PTPRG: variants seen among roughly 807,000 people sequenced by gnomAD.
PTPRG encodes the protein receptor-type tyrosine-protein phosphatase gamma.
PTPRG carries 102 observed loss-of-function variants against 165.3 expected under a neutral mutation model. That is an observed-to-expected ratio of 0.62 (90% CI 0.53 to 0.73). The LOEUF (loss-of-function observed/expected upper bound fraction) is 0.73, where lower values mean the gene tolerates loss of function less well. Among genes scored for constraint, PTPRG ranks in the 30% least tolerant of loss-of-function variants. The pLI, the probability that PTPRG is intolerant of heterozygous loss-of-function variation, is 0.00. For synonymous variants in PTPRG, 675 were observed against 669.5 expected, an observed-to-expected ratio of 1.01 and a Z score of -0.13; for missense variants, 1,866 against 1,861.4, an observed-to-expected ratio of 1.00 and a Z score of -0.05.
intron 2 of PTPRG, among the ~76,000 whole-genome samples, chr3:61,925,214 G>GC (rs1219820231): frequency 6.6e-6 from 1 of 152,222 alleles, no homozygotes; most frequent in Non-Finnish European, 1.5e-5. Flanking sequence ...ATGGCAGTCT[G>GC]CATTTGGCCC....
intron 5 of PTPRG, among the ~76,000 whole-genome samples, chr3:62,131,258 C>CG (rs1703503291): frequency 6.6e-6 from 1 of 152,058 alleles, no homozygotes; most frequent in African/African-American, 2.4e-5. Context: ...TATGTGACAA[C>CG]GAAAAACGTC....
At chr3:61,610,565 G>A (rs1383611134) in intron 1 of PTPRG, among the ~76,000 whole-genome samples, 2 of 152,200 alleles carry the variant, frequency 1.3e-5, no homozygotes, top group African/African-American at 4.8e-5. Context: ...AGATTTGGCT[G>A]TACTTAGGGT....
intron 1 of PTPRG, among the ~76,000 whole-genome samples, chr3:61,659,756 A>T (rs1702607095): frequency 6.6e-6 from 1 of 152,228 alleles, no homozygotes; most frequent in Admixed American, 6.5e-5. Context: ...ATTACTTTTC[A>T]TAACCGATTT....
intron 1 of PTPRG, among the ~76,000 whole-genome samples, chr3:61,637,925 G>T (rs1194020188): frequency 7.8e-6 from 1 of 127,994 alleles, no homozygotes; most frequent in Non-Finnish European, 1.8e-5. Flanking sequence ...TATTTATTCA[G>T]ACTGGATCTC....
chr3:62,177,558 A>G (rs975358813), intron 8 of PTPRG, among the ~76,000 whole-genome samples: 1 of 152,170 alleles, frequency 6.6e-6, no homozygotes, highest in East Asian at 1.9e-4. Context: ...GAACTTGTCA[A>G]AACCTTTCTG....
At chr3:61,648,618 C>T (rs1338381417) in intron 1 of PTPRG, among the ~76,000 whole-genome samples, 6 of 152,206 alleles carry the variant, frequency 3.9e-5, no homozygotes, top group South Asian at 2.1e-4. Context: ...ACCAAGGGAA[C>T]GTCTAATGCC....
chr3:61,866,585 T>TC (rs1436284169), intron 2 of PTPRG, among the ~76,000 whole-genome samples: 138 of 34,458 alleles, frequency 4.0e-3, no homozygotes, highest in South Asian at 0.015. Context: ...GTTTGCTCTT[T>TC]TTTTTTTTTT....
At position 62,245,280 on chromosome 3, in the gene PTPRG, T is replaced by C. The variant is rs1457750097; in HGVS notation, c.2467+1382T>C. Reference sequence around the variant, plus strand: ...GAGTAGAGAAGGTAGACAGGAATCATCAGTCTTCATCAGCATGAAATAAGT... The same window carrying C: ...GAGTAGAGAAGGTAGACAGGAATCACCAGTCTTCATCAGCATGAAATAAGT... On this transcript the variant is annotated intron_variant, in intron 15 of 29. Transcript: ENST00000474889. The surrounding 1 kb of genome is among the most constrained non-coding windows in gnomAD (Gnocchi z 4.2). 6.6e-6 allele frequency among the ~76,000 whole-genome samples: 1 copy of C among 152,202 alleles called. No homozygotes were observed. The highest frequency in any genetic ancestry group is 1.5e-5 in the Non-Finnish European group (1 of 68,036).
chr3:61,648,126 C>G (rs1702254388), intron 1 of PTPRG, among the ~76,000 whole-genome samples: 1 of 151,764 alleles, frequency 6.6e-6, no homozygotes, highest in Non-Finnish European at 1.5e-5. Context: ...TGAGAATATC[C>G]TGACAGTGGA....
intron 13 of PTPRG, among the ~76,000 whole-genome samples, chr3:62,225,681 G>C (rs1044943307): frequency 1.3e-5 from 2 of 148,746 alleles, no homozygotes; most frequent in African/African-American, 5.0e-5. Context: ...TTGAGATGGA[G>C]TTTCACTTTT....
intron 2 of PTPRG, among the ~76,000 whole-genome samples, chr3:61,982,400 T>G (rs1456676452): frequency 6.6e-6 from 1 of 152,176 alleles, no homozygotes; most frequent in Non-Finnish European, 1.5e-5. Flanking sequence ...TTTTAATGAA[T>G]GTTTGGATGT....
At chr3:61,887,119 CATGCATATATATATAT>C (rs202216934) in intron 2 of PTPRG, among the ~76,000 whole-genome samples, 6,099 of 103,274 alleles carry the variant, frequency 0.059, 731 homozygotes, top group African/African-American at 0.17. Flanking sequence ...ATAACCATAG[CATGCATATATATATAT>C]ATATATATAT....
At chr3:61,727,210 A>ATT (rs59634619) in intron 1 of PTPRG, among the ~76,000 whole-genome samples, 6 of 144,804 alleles carry the variant, frequency 4.1e-5, no homozygotes, top group Non-Finnish European at 6.1e-5. Flanking sequence ...TAAAATCATA[A>ATT]TTTTTTTTTT....
chr3:62,167,697 G>A (rs1705047874), intron 7 of PTPRG, among the ~76,000 whole-genome samples: 1 of 152,120 alleles, frequency 6.6e-6, no homozygotes, highest in Non-Finnish European at 1.5e-5. Flanking sequence ...CTCTCTCATG[G>A]GAGGCACAAA....
Position 61,763,245 on chromosome 3 carries a change from T to G in PTPRG, c.190+14263T>G, listed in dbSNP as rs551847310. 4.5e-3 allele frequency among the ~76,000 whole-genome samples: 665 copies of G among 146,586 alleles called. 2 individuals carry two copies. Among genetic ancestry groups the G allele is most frequent in the Non-Finnish European group, 6.5e-3 (428 of 66,104 alleles). Reference sequence around the variant, plus strand: ...CTACCCTTGTCATCATTTTCAGGTGTTTTTTTTTTTGAGACGGAGTCTCAC... The same window carrying G: ...CTACCCTTGTCATCATTTTCAGGTGGTTTTTTTTTTGAGACGGAGTCTCAC... On this transcript the variant is annotated intron_variant, in intron 2 of 29. Coordinates refer to ENST00000474889, the MANE Select transcript of PTPRG (RefSeq NM_002841.4).
intron 4 of PTPRG, among the ~76,000 whole-genome samples, chr3:62,073,673 G>A (rs1403284327): frequency 6.6e-6 from 1 of 152,068 alleles, no homozygotes; most frequent in Non-Finnish European, 1.5e-5. Flanking sequence ...TAGAGACAGG[G>A]TTTCACCATG....
At chr3:62,280,943 G>A (rs1328885837) in intron 26 of PTPRG, among the ~76,000 whole-genome samples, 2 of 151,952 alleles carry the variant, frequency 1.3e-5, no homozygotes, top group Non-Finnish European at 2.9e-5. Context: ...CCAACATGAG[G>A]ACTACAGGTA....
chr3:62,088,254 C>G (rs1701815318), intron 5 of PTPRG, among the ~76,000 whole-genome samples: 1 of 152,174 alleles, frequency 6.6e-6, no homozygotes, highest in Admixed American at 6.5e-5. Context: ...CCTCCACAAC[C>G]AACAGTTAGC....
chr3:61,736,916 A>G (rs1334020791), intron 1 of PTPRG, among the ~76,000 whole-genome samples: 2 of 152,236 alleles, frequency 1.3e-5, no homozygotes, highest in Admixed American at 6.5e-5. Context: ...AGGAAGGCAT[A>G]TATCAGACCA....
Sources: gnomAD v4.1 joint callset for allele counts (sites outside exome capture counted in the v4.1 genomes callset) on GRCh38, gnomAD v4.1.1 for gene constraint, Gnocchi (gnomAD v3.1) non-coding constraint, MANE v1.5 for transcripts, NCBI Gene and HGNC (gene_info 2026-07-23, HGNC 2026-07-21) for gene names.